Variants in SMIM21 observed in about 807,000 individuals in gnomAD.
SMIM21 encodes the protein small integral membrane protein 21.
In SMIM21, 8 loss-of-function variants were observed where a neutral mutation model predicts 8.6. The observed-to-expected ratio is 0.93, with a 90% CI of 0.55 to 1.68. The LOEUF is 1.68. Among genes scored for constraint, SMIM21 ranks in the 40% most tolerant of loss-of-function variants. The probability of loss-of-function intolerance (pLI) is 0.00; values close to 1 mark genes in which losing one functional copy is unlikely to be tolerated. For synonymous variants in SMIM21, 43 were observed against 41.7 expected (o/e 1.03, Z -0.12); for missense variants, 132 against 123.0 (o/e 1.07, Z -0.35).
chr18:75,411,700 C>A (rs1474387662), intron 2 of SMIM21, among the ~76,000 whole-genome samples: 4 of 152,328 alleles, frequency 2.6e-5, no homozygotes, highest in Admixed American at 6.5e-5. Context: ...GAAAATCTTT[C>A]ATCAACACTA....
chr18:75,427,169 C>T (rs1021551851), intron 1 of SMIM21, among the ~76,000 whole-genome samples: 2 of 152,254 alleles, frequency 1.3e-5, no homozygotes, highest in South Asian at 2.1e-4. Flanking sequence ...GGCCTGTATA[C>T]TGATGTAATG....
intron 2 of SMIM21, among the ~76,000 whole-genome samples, chr18:75,413,888 T>G (rs2024609767): frequency 6.6e-6 from 1 of 152,186 alleles, no homozygotes; most frequent in African/African-American, 2.4e-5. Flanking sequence ...CAAATATGTT[T>G]AATAAATTAA....
chr18:75,413,282 C>T (rs765006217), intron 2 of SMIM21, among the ~76,000 whole-genome samples: 23 of 152,174 alleles, frequency 1.5e-4, no homozygotes, highest in Admixed American at 1.2e-3. Flanking sequence ...TTTCTGTCTC[C>T]GCACTAAACC....
intron 1 of SMIM21, among the ~76,000 whole-genome samples, chr18:75,422,168 G>A (rs951317337): frequency 2.0e-5 from 3 of 152,140 alleles, no homozygotes; most frequent in African/African-American, 7.2e-5. Flanking sequence ...AGGCCAGTGG[G>A]CATTCACAGG....
chr18:75,411,167 C>G (rs1161087449), intron 2 of SMIM21, among the ~76,000 whole-genome samples: 2 of 152,174 alleles, frequency 1.3e-5, no homozygotes, highest in Non-Finnish European at 2.9e-5. Context: ...CCAAAGGCCA[C>G]AAAGACAGTA....
At position 75,409,630 on chromosome 18, in the gene SMIM21, G is replaced by A. The variant is rs937130694; in HGVS notation, c.*1234C>T. ...ATGAATGTGGGAGATGAAAGACAAA[G>A]ACAGACTGTTCCATCGGTGACAAGA... is the stretch of plus-strand genomic sequence containing the variant. On this transcript the variant is annotated 3_prime_UTR_variant, in exon 3 of 3. Coordinates refer to ENST00000579022, the MANE Select transcript of SMIM21 (RefSeq NM_001037331.3). 1 of 152,066 alleles carries A rather than the reference G, an allele frequency of 6.6e-6. No individual in the cohort carries two copies. The highest frequency in any genetic ancestry group is 1.5e-5 in the Non-Finnish European group (1 of 68,180). 9.4% of individuals were successfully genotyped at this position (152,066 alleles called of 1,614,324 possible). A position where few individuals can be genotyped will look rare whatever the true frequency, so the allele number is the denominator to read the frequency against.
At chr18:75,412,260 G>A (rs2024592745) in intron 2 of SMIM21, among the ~76,000 whole-genome samples, 1 of 152,216 alleles carries the variant, frequency 6.6e-6, no homozygotes, top group Admixed American at 6.5e-5. Context: ...CACAATAGTT[G>A]AGTGTGGGCA....
chr18:75,412,514 G>A (rs1365562257), intron 2 of SMIM21: 1 of 152,146 alleles, frequency 6.6e-6, no homozygotes, highest in Non-Finnish European at 1.5e-5. Context: ...GTGCTATTCT[G>A]ACATTGGATG....
At chr18:75,411,018 T>A in intron 2 of SMIM21, 109 bp from the exon 3 acceptor site, 1 of 1,458,894 alleles carries the variant, frequency 6.9e-7, no homozygotes, top group Non-Finnish European at 9.3e-7. Flanking sequence ...CATTTTAAAA[T>A]TTAATTTTTC....
chr18:75,411,394 C>G (rs913384401), intron 2 of SMIM21, among the ~76,000 whole-genome samples: 2 of 152,232 alleles, frequency 1.3e-5, no homozygotes, highest in Admixed American at 1.3e-4. Context: ...TTTGGCCTGA[C>G]GGCCTCAAGA....
intron 1 of SMIM21, among the ~76,000 whole-genome samples, chr18:75,419,459 A>T (rs2024686941): frequency 6.6e-6 from 1 of 152,196 alleles, no homozygotes; most frequent in African/African-American, 2.4e-5. Context: ...GTTACAATTC[A>T]TAGCAATAAG....
At chr18:75,418,643 C>T (rs961940987) in intron 2 of SMIM21, 143 bp downstream of exon 2, 34 of 703,626 alleles carry the variant, frequency 4.8e-5, no homozygotes, top group South Asian at 2.8e-4. Flanking sequence ...TGATAGCTAC[C>T]CAGCATGTGC....
chr18:75,415,603 A>T (rs192070393), intron 2 of SMIM21, among the ~76,000 whole-genome samples: 1 of 152,250 alleles, frequency 6.6e-6, no homozygotes, highest in African/African-American at 2.4e-5. Flanking sequence ...CCTTACTCAG[A>T]GATCACCACC....
chr18:75,420,569 G>A (rs377208155), intron 1 of SMIM21, among the ~76,000 whole-genome samples: 10 of 152,128 alleles, frequency 6.6e-5, no homozygotes, highest in East Asian at 3.9e-4. Context: ...ATGTTTTAAT[G>A]TTGCAAAAGG....
In SMIM21 at chr18:75,410,838, G is replaced by A. The variant is rs1379130727; in HGVS notation, c.*26C>T. ...AGCAGGGGAAATCCATGGTATGAAG[G>A]CCATGAGAGAGAAACGTAGTGTCAT... On this transcript the variant is annotated 3_prime_UTR_variant, in exon 3 of 3. Coordinates refer to ENST00000579022, the MANE Select transcript of SMIM21 (RefSeq NM_001037331.3). 6.2e-7 allele frequency: 1 copy of A among 1,613,904 alleles called. No homozygotes were observed. Among genetic ancestry groups the A allele is most frequent in the Non-Finnish European group, 8.5e-7 (1 of 1,179,960 alleles).
At chr18:75,421,003 C>A (rs2024702588) in intron 1 of SMIM21, among the ~76,000 whole-genome samples, 1 of 152,152 alleles carries the variant, frequency 6.6e-6, no homozygotes, top group South Asian at 2.1e-4. Context: ...GAACAATATT[C>A]TTCTCCTAAT....
At chr18:75,419,591 G>T (rs890261922) in intron 1 of SMIM21, among the ~76,000 whole-genome samples, 3 of 152,124 alleles carry the variant, frequency 2.0e-5, no homozygotes, top group African/African-American at 7.2e-5. Context: ...TCTAGTCAAG[G>T]TGGTGGCCAT....
chr18:75,415,319 T>C (rs1256206842), intron 2 of SMIM21, among the ~76,000 whole-genome samples: 4 of 152,198 alleles, frequency 2.6e-5, no homozygotes, highest in Non-Finnish European at 5.9e-5. Context: ...AGAACAATTC[T>C]CTGTGTTCTC....
Position 75,427,681 on chromosome 18 carries a change from C to G in SMIM21, c.-118G>C. 1 of 1,102,970 alleles carries G rather than the reference C, an allele frequency of 9.1e-7. No homozygotes were observed. The highest frequency in any genetic ancestry group is 1.2e-6 in the Non-Finnish European group (1 of 817,094). 68.3% of individuals were successfully genotyped at this position (1,102,970 alleles called of 1,614,324 possible). A position where few individuals can be genotyped will look rare whatever the true frequency, so the allele number is the denominator to read the frequency against. On this transcript the variant is annotated 5_prime_UTR_variant, in exon 1 of 3. Coordinates refer to ENST00000579022, the MANE Select transcript of SMIM21 (RefSeq NM_001037331.3). Reference sequence around the variant, plus strand: ...TCCCAAGGAGCTTTTCTCTTCTTTGCCAACCTTGAAGATCTGGGTATTATT... The same window carrying G: ...TCCCAAGGAGCTTTTCTCTTCTTTGGCAACCTTGAAGATCTGGGTATTATT...
Sources: allele counts gnomAD v4.1 joint callset (sites outside exome capture counted in the v4.1 genomes callset), GRCh38; gene constraint gnomAD v4.1.1; transcripts MANE v1.5; gene names NCBI Gene and HGNC (gene_info 2026-07-23, HGNC 2026-07-21).